STXBP6: variants seen among roughly 807,000 people sequenced by gnomAD.
STXBP6 encodes the protein syntaxin binding protein 6.
Under a neutral mutation model 26.9 loss-of-function variants are expected in STXBP6, and 21 were observed. The observed-to-expected ratio is 0.78, with a 90% CI of 0.55 to 1.12. STXBP6 has a LOEUF of 1.12. STXBP6 is among the 50% of genes most tolerant of loss of function. The pLI, the probability that STXBP6 is intolerant of heterozygous loss-of-function variation, is 0.00. For missense variants in STXBP6, 232 were observed against 257.9 expected (o/e 0.90, Z 0.69); for synonymous variants, 97 against 92.6 (o/e 1.05, Z -0.27).
rs577268183 is a variant in STXBP6, at chr14:24,892,362, T to G, written c.155-35205A>C. Among the ~76,000 whole-genome samples the G allele has an allele frequency of 2.2e-4, 33 of 152,312 alleles. 1 individual carries two copies. The Middle Eastern group carries it at 0.01, about 47-fold the overall frequency. ...AGGTGGAAGTATTTATTTTTAGAAT[T>G]TTTTAAATTGATGTATCTAGCGAGC... On this transcript the variant is annotated intron_variant, in intron 2 of 5. Transcript: ENST00000323944.
chr14:24,825,684 GA>G (rs2068260374), intron 4 of STXBP6, among the ~76,000 whole-genome samples: 1 of 152,134 alleles, frequency 6.6e-6, no homozygotes, highest in Admixed American at 6.6e-5. Context: ...AAAGTCTCAG[GA>G]AAAAGCCCAA....
chr14:24,836,250 A>T (rs1315693606), intron 4 of STXBP6, among the ~76,000 whole-genome samples: 3 of 152,228 alleles, frequency 2.0e-5, no homozygotes, highest in Non-Finnish European at 4.4e-5. Context: ...TTTTGGACTC[A>T]AGACCTAGTC....
intron 2 of STXBP6, among the ~76,000 whole-genome samples, chr14:24,888,010 A>G (rs1468577972): frequency 6.6e-6 from 1 of 152,240 alleles, no homozygotes; most frequent in Non-Finnish European, 1.5e-5. Flanking sequence ...GACATATAGT[A>G]CACAATTTTA....
chr14:24,823,582 A>G (rs2068201530), intron 4 of STXBP6, among the ~76,000 whole-genome samples: 2 of 152,200 alleles, frequency 1.3e-5, no homozygotes, highest in South Asian at 4.1e-4. Context: ...AAAATAAGGC[A>G]GCAAGAAAAT....
At chr14:24,846,366 T>C (rs529021719) in intron 4 of STXBP6, among the ~76,000 whole-genome samples, 1 of 152,312 alleles carries the variant, frequency 6.6e-6, no homozygotes, top group African/African-American at 2.4e-5. Flanking sequence ...CTGTCTCATA[T>C]TTTTCTTTCT....
chr14:25,015,221 A>T (rs1039203340), intron 1 of STXBP6, among the ~76,000 whole-genome samples: 5 of 151,732 alleles, frequency 3.3e-5, no homozygotes, highest in Non-Finnish European at 7.4e-5. Context: ...GAACTGCTTT[A>T]AAAAAAAATC....
intron 1 of STXBP6, among the ~76,000 whole-genome samples, chr14:25,045,022 TAG>T (rs1287131052): frequency 6.6e-6 from 1 of 152,224 alleles, no homozygotes; most frequent in Non-Finnish European, 1.5e-5. Flanking sequence ...TAACCACTTA[TAG>T]AGTTAATTAA....
intron 5 of STXBP6, among the ~76,000 whole-genome samples, chr14:24,813,801 C>T (rs2067891400): frequency 6.6e-6 from 1 of 152,158 alleles, no homozygotes; most frequent in African/African-American, 2.4e-5. Context: ...TTCTGCAAAA[C>T]CCAGGGCAAC....
At chr14:24,906,694 A>G (rs1410899452) in intron 2 of STXBP6, among the ~76,000 whole-genome samples, 1 of 152,208 alleles carries the variant, frequency 6.6e-6, no homozygotes, top group Non-Finnish European at 1.5e-5. Flanking sequence ...GTCCATATCA[A>G]GTGGTTCCCT....
intron 2 of STXBP6, among the ~76,000 whole-genome samples, chr14:24,902,565 A>G (rs1174419655): frequency 6.6e-6 from 1 of 152,198 alleles, no homozygotes; most frequent in African/African-American, 2.4e-5. Flanking sequence ...TCACAACTCT[A>G]CAGACAGACA....
intron 1 of STXBP6, among the ~76,000 whole-genome samples, chr14:25,000,163 C>G (rs564216316): frequency 6.6e-6 from 1 of 151,890 alleles, no homozygotes; most frequent in Non-Finnish European, 1.5e-5. Flanking sequence ...CCTAGGCTCA[C>G]GCCATTCTCC....
intron 1 of STXBP6, among the ~76,000 whole-genome samples, chr14:25,039,473 T>C (rs1276399276): frequency 6.6e-6 from 1 of 152,198 alleles, no homozygotes; most frequent in Non-Finnish European, 1.5e-5. Context: ...TTTGTATAAA[T>C]TGCAGTTTCT....
chr14:24,929,522 T>C (rs2072304290), intron 2 of STXBP6, among the ~76,000 whole-genome samples: 1 of 152,240 alleles, frequency 6.6e-6, no homozygotes, highest in African/African-American at 2.4e-5. Context: ...CTAAAGGGCA[T>C]TCATGCCCAC....
At chr14:24,966,773 GTC>G (rs1035906326) in intron 2 of STXBP6, among the ~76,000 whole-genome samples, 1 of 152,162 alleles carries the variant, frequency 6.6e-6, no homozygotes, top group Non-Finnish European at 1.5e-5. Flanking sequence ...CCTGCCAGGA[GTC>G]TCTCCAAATT....
chr14:25,046,621 A>G (rs911355916), intron 1 of STXBP6, among the ~76,000 whole-genome samples: 4 of 152,194 alleles, frequency 2.6e-5, no homozygotes, highest in Non-Finnish European at 4.4e-5. Context: ...TACATTATGT[A>G]AACTTTATTT....
chr14:24,912,202 G>A (rs1394590627), intron 2 of STXBP6, among the ~76,000 whole-genome samples: 1 of 152,090 alleles, frequency 6.6e-6, no homozygotes, highest in African/African-American at 2.4e-5. Flanking sequence ...ACTACTTGAG[G>A]TCTGAGTTAG....
At chr14:24,927,124 G>A (rs1020111010) in intron 2 of STXBP6, among the ~76,000 whole-genome samples, 1 of 152,158 alleles carries the variant, frequency 6.6e-6, no homozygotes, top group Non-Finnish European at 1.5e-5. Flanking sequence ...TTGTGCAGAG[G>A]ATAATATTCA....
rs564254609 is a variant in STXBP6 at position 24,909,202 on chromosome 14, T to A, written c.155-52045A>T. ...ATCAAAGGTGCTACACATTGGCACA[T>A]AAGCCTGCCCTTGAATAAGGTCAAC... On this transcript the variant is annotated intron_variant, in intron 2 of 5. Coordinates refer to ENST00000323944, the MANE Select transcript of STXBP6 (RefSeq NM_001394410.1). Among the ~76,000 whole-genome samples the A allele has an allele frequency of 1.1e-3, 170 of 152,358 alleles. 1 individual carries two copies. Among genetic ancestry groups the A allele is most frequent in the African/African-American group, 3.7e-3 (154 of 41,584 alleles).
At chr14:24,982,111 T>C (rs144548704) in intron 1 of STXBP6, among the ~76,000 whole-genome samples, 35 of 152,326 alleles carry the variant, frequency 2.3e-4, no homozygotes, top group Non-Finnish European at 4.4e-4. Context: ...CGTACTCCAC[T>C]AAAATCTCAG....
Sources: gnomAD v4.1 joint callset for allele counts (sites outside exome capture counted in the v4.1 genomes callset) on GRCh38, gnomAD v4.1.1 for gene constraint, MANE v1.5 for transcripts, NCBI Gene and HGNC (gene_info 2026-07-23, HGNC 2026-07-21) for gene names.